RBPJ: variants seen among roughly 807,000 people sequenced by gnomAD.
The protein encoded by RBPJ is recombination signal binding protein for immunoglobulin kappa J region, also known as recombining binding protein suppressor of hairless.
Under a neutral mutation model 67.8 loss-of-function variants are expected in RBPJ, and 9 were observed. The ratio of observed to expected loss-of-function variants is 0.13; its 90% confidence interval spans 0.08 to 0.23. The LOEUF is 0.23. Ranked by LOEUF, RBPJ falls within the 10% of genes least tolerant of loss-of-function variation. The pLI is 1.00. For missense variants in RBPJ, 305 were observed against 595.6 expected (o/e 0.51, Z 5.08); for synonymous variants, 198 against 203.3 (o/e 0.97, Z 0.22).
In RBPJ at chr4:26,359,187, C is replaced by T. The variant is rs189083291; in HGVS notation, c.21-27166C>T. On this transcript the variant is annotated intron_variant, in intron 1 of 10. Coordinates refer to ENST00000355476, the MANE Select transcript of RBPJ (RefSeq NM_015874.6). ...ATTTATTAAATGTATTTTAAAATTT[C>T]TGTCCTGATTAAAATGTATAAATAG... is the stretch of plus-strand genomic sequence containing the variant. Among the ~76,000 whole-genome samples, 1,248 of 152,222 alleles carry T rather than the reference C, an allele frequency of 8.2e-3. 25 individuals carry two copies. The highest frequency in any genetic ancestry group is 0.029 in the African/African-American group (1,199 of 41,518).
chr4:26,345,635 G>C (rs1577484971), intron 1 of RBPJ, among the ~76,000 whole-genome samples: 1 of 152,292 alleles, frequency 6.6e-6, no homozygotes, highest in Non-Finnish European at 1.5e-5. Flanking sequence ...TGTCCAATGA[G>C]AGGAATCGCC....
intron 1 of RBPJ, among the ~76,000 whole-genome samples, chr4:26,221,474 A>T (rs545587036): frequency 6.6e-6 from 1 of 152,086 alleles, no homozygotes; most frequent in East Asian, 1.9e-4. Flanking sequence ...CTGTTAAGGG[A>T]CCAACAGAGA....
At chr4:26,128,482 G>C in the RBPJ span, among the ~76,000 whole-genome samples, 1 of 152,176 alleles carries the variant, frequency 6.6e-6, no homozygotes, top group East Asian at 1.9e-4. Context: ...AACCCTGCAA[G>C]ATAGACCCTC....
intron 1 of RBPJ, among the ~76,000 whole-genome samples, chr4:26,367,376 A>C (rs1728744755): frequency 6.6e-6 from 1 of 152,256 alleles, no homozygotes; most frequent in Admixed American, 6.5e-5. Flanking sequence ...AGGCTGAGGC[A>C]GGAGAATTAC....
chr4:26,210,762 T>TA (rs1560212241), intron 1 of RBPJ, among the ~76,000 whole-genome samples: 9 of 134,390 alleles, frequency 6.7e-5, no homozygotes, highest in Non-Finnish European at 9.5e-5. Flanking sequence ...CTTCTTTCTT[T>TA]CTTTCTTTCT....
At chr4:26,244,301 GTACACATATGTGTGTA>G (rs1719803322) in intron 1 of RBPJ, among the ~76,000 whole-genome samples, 1 of 150,286 alleles carries the variant, frequency 6.7e-6, no homozygotes, top group African/African-American at 2.5e-5. Context: ...ACACATATGT[GTACACATATGTGTGTA>G]TATGTATACA....
chr4:26,362,630 T>G, intron 1 of RBPJ: 1 of 1,613,814 alleles, frequency 6.2e-7, no homozygotes, highest in Non-Finnish European at 8.5e-7. Context: ...GATTAAAAGG[T>G]ATGCTTTAGA....
chr4:26,289,282 A>G (rs1721581929), intron 1 of RBPJ, among the ~76,000 whole-genome samples: 1 of 147,510 alleles, frequency 6.8e-6, no homozygotes, highest in Non-Finnish European at 1.5e-5. Flanking sequence ...CTGTGATCCC[A>G]GCTACTTGGG....
chr4:26,362,495 G>A (rs768738993), intron 1 of RBPJ: 55 of 1,509,764 alleles, frequency 3.6e-5, no homozygotes, highest in African/African-American at 8.4e-5. Flanking sequence ...ATAGTTCTTC[G>A]GAACCATTAT....
At chr4:26,166,588 G>C (rs1296753219) in intron 1 of RBPJ, among the ~76,000 whole-genome samples, 1 of 151,720 alleles carries the variant, frequency 6.6e-6, no homozygotes, top group Admixed American at 6.6e-5. Context: ...TTGTAAATTT[G>C]TTTGAGTTCA....
intron 1 of RBPJ, among the ~76,000 whole-genome samples, chr4:26,345,731 C>CT (rs1473786817): frequency 6.6e-6 from 1 of 152,260 alleles, no homozygotes; most frequent in East Asian, 1.9e-4. Flanking sequence ...GCTACTTCTG[C>CT]TTTTTAACTC....
chr4:26,120,714 CTTTTTTTTT>C, the RBPJ span, among the ~76,000 whole-genome samples: 2 of 83,014 alleles, frequency 2.4e-5, no homozygotes, highest in Non-Finnish European at 4.3e-5. Context: ...ATTTTCTCAA[CTTTTTTTTT>C]TTTTTTTTTT....
intron 1 of RBPJ, among the ~76,000 whole-genome samples, chr4:26,267,842 A>T (rs889109124): frequency 1.3e-5 from 2 of 152,062 alleles, no homozygotes; most frequent in African/African-American, 4.8e-5. Context: ...TCCTGACCTC[A>T]GGTGATCCGC....
the RBPJ span, among the ~76,000 whole-genome samples, chr4:26,130,056 T>G: frequency 6.6e-6 from 1 of 151,986 alleles, no homozygotes; most frequent in African/African-American, 2.4e-5. Flanking sequence ...GAGACAGGGT[T>G]TCACCATGTT....
chr4:26,273,222 C>T (rs1720969384), intron 1 of RBPJ, among the ~76,000 whole-genome samples: 1 of 152,182 alleles, frequency 6.6e-6, no homozygotes, highest in South Asian at 2.1e-4. Context: ...ATTTGGCAAA[C>T]ACCACCCCTC....
At chr4:26,134,948 C>G in the RBPJ span, among the ~76,000 whole-genome samples, 1 of 152,182 alleles carries the variant, frequency 6.6e-6, no homozygotes, top group African/African-American at 2.4e-5. Context: ...CACAGCAACT[C>G]CAGCAGAGGC....
chr4:26,320,722 C>A (rs1722926044), upstream of RBPJ: 7 of 1,547,438 alleles, frequency 4.5e-6, no homozygotes, highest in South Asian at 1.2e-5. Context: ...TCCCTCAAAG[C>A]GCGTCCTAAA....
At chr4:26,125,281 G>A in the RBPJ span, among the ~76,000 whole-genome samples, 4 of 152,308 alleles carry the variant, frequency 2.6e-5, no homozygotes, top group South Asian at 8.3e-4. Context: ...ACCCTGTGAT[G>A]TAGGCAGTGA....
rs999649681 is a variant in RBPJ at position 26,182,341 on chromosome 4, CA to C, written c.-167+18734del. ...TGGGCAAAAGAGCAAGACTCCGTCT[CA>C]AAAAAACAAACAAACAAACAAACAA... On this transcript the variant is annotated intron_variant, in intron 1 of 4. Coordinates refer to the RBPJ transcript ENST00000512351. 2.6e-5 allele frequency among the ~76,000 whole-genome samples: 4 copies of C among 151,748 alleles called. No homozygotes were observed. In the South Asian group the frequency reaches 8.3e-4, roughly 32 times the overall value.
Sources: gnomAD v4.1 joint callset for allele counts (sites outside exome capture counted in the v4.1 genomes callset) on GRCh38, gnomAD v4.1.1 for gene constraint, MANE v1.5 for transcripts, NCBI Gene and HGNC (gene_info 2026-07-23, HGNC 2026-07-21) for gene names.